The following CHP1 variants were observed in gnomAD, a reference collection of about 807,000 sequenced individuals.
CHP1 encodes the protein calcineurin B homologous protein 1.
In CHP1, 11 loss-of-function variants were observed where a neutral mutation model predicts 27.4. That is an observed-to-expected ratio of 0.40 (90% CI 0.25 to 0.67). The LOEUF (loss-of-function observed/expected upper bound fraction) is 0.67. Ranked by LOEUF, CHP1 falls within the 30% of genes least tolerant of loss-of-function variation. The pLI, the probability that CHP1 is intolerant of heterozygous loss-of-function variation, is 0.38. For synonymous variants in CHP1, 89 were observed against 87.4 expected (o/e 1.02, Z -0.10); for missense variants, 169 against 251.3 (o/e 0.67, Z 2.22).
At chr15:41,275,866 C>T (rs2047517100) in intron 5 of CHP1, among the ~76,000 whole-genome samples, 2 of 152,076 alleles carry the variant, frequency 1.3e-5, no homozygotes, top group South Asian at 4.2e-4. Context: ...CAGGTATGCA[C>T]CACCACGCCC....
At position 41,243,724 on chromosome 15, in the gene CHP1, A is replaced by T; in HGVS notation, c.125A>T (p.Glu42Val). Reference protein sequence around the residue: ...YSRFTSLDKGENGTLSREDFQ... With the variant: ...YSRFTSLDKGVNGTLSREDFQ... ...CGGTTCACCAGCCTGGACAAAGGAG[A>T]GAATGGGACTCTCAGGTAGGCAGTG... The change falls in exon 2 of 7, where the codon GAG becomes GTG. Residue 42 changes from glutamate (E) to valine (V), a missense_variant. By Grantham distance (121) the Glu-to-Val change is moderately radical (BLOSUM62 -2). Transcript: ENST00000334660. 1 of 1,613,970 alleles carries T rather than the reference A, an allele frequency of 6.2e-7. No homozygotes were observed.
intron 4 of CHP1, among the ~76,000 whole-genome samples, chr15:41,267,269 T>C (rs2047466227): frequency 1.3e-5 from 2 of 151,928 alleles, no homozygotes; most frequent in African/African-American, 4.8e-5. Flanking sequence ...TGGATGGTGG[T>C]GATGCTTGCA....
intron 4 of CHP1, among the ~76,000 whole-genome samples, chr15:41,267,361 C>T (rs1398481010): frequency 6.6e-6 from 1 of 150,812 alleles, no homozygotes; most frequent in Non-Finnish European, 1.5e-5. Context: ...TATTTTACCA[C>T]AATAAAAAAA....
chr15:41,261,502 A>T (rs1168345618), intron 3 of CHP1, among the ~76,000 whole-genome samples: 2 of 152,050 alleles, frequency 1.3e-5, no homozygotes, highest in Admixed American at 6.6e-5. Flanking sequence ...TAGAACTCGG[A>T]TCAGTATTTT....
intron 5 of CHP1, among the ~76,000 whole-genome samples, chr15:41,277,091 T>A (rs1390435482): frequency 6.6e-6 from 1 of 152,236 alleles, no homozygotes; most frequent in African/African-American, 2.4e-5. Context: ...GATGAGAAGA[T>A]AAAGGTTTCA....
intron 3 of CHP1, among the ~76,000 whole-genome samples, chr15:41,257,282 A>G (rs2047405369): frequency 6.6e-6 from 1 of 152,176 alleles, no homozygotes; most frequent in Non-Finnish European, 1.5e-5. Context: ...TTTACAAAAA[A>G]GTTGCAAAAG....
intron 1 of CHP1, among the ~76,000 whole-genome samples, chr15:41,240,988 G>T (rs1211805134): frequency 1.3e-5 from 2 of 151,832 alleles, no homozygotes; most frequent in Non-Finnish European, 2.9e-5. Context: ...AAGTAGCTGG[G>T]ACTAGAGGCA....
intron 1 of CHP1, among the ~76,000 whole-genome samples, chr15:41,235,517 C>A (rs1229483301): frequency 6.6e-6 from 1 of 151,826 alleles, no homozygotes; most frequent in Non-Finnish European, 1.5e-5. Context: ...CAGACCCTGT[C>A]TCAAAAAAAA....
At chr15:41,239,315 A>C (rs1001734665) in intron 1 of CHP1, among the ~76,000 whole-genome samples, 1 of 124,878 alleles carries the variant, frequency 8.0e-6, no homozygotes, top group African/African-American at 3.7e-5. Flanking sequence ...TCGTCCTGGA[A>C]GATAGTTTTT....
intron 4 of CHP1, chr15:41,264,093 T>C: frequency 2.6e-6 from 2 of 778,678 alleles, no homozygotes; most frequent in Non-Finnish European, 3.8e-6. Flanking sequence ...TGTTTTATCC[T>C]AAAGTATTAT....
At position 41,280,536 on chromosome 15, in the gene CHP1, A is replaced by G. The variant is rs1595485022; in HGVS notation, c.*1147A>G. ...TTTTTTTTTTTTTTTTTTTTTTGAG[A>G]CAGAGTCTTGCTCTGTCACCCAGGC... is the stretch of plus-strand genomic sequence containing the variant. On this transcript the variant is annotated 3_prime_UTR_variant, in exon 7 of 7. Coordinates refer to ENST00000334660, the MANE Select transcript of CHP1 (RefSeq NM_007236.5). The G allele has an allele frequency of 1.0e-5, 1 of 99,854 alleles. No individual in the cohort carries two copies. Among genetic ancestry groups the G allele is most frequent in the Non-Finnish European group, 1.9e-5 (1 of 51,638 alleles). 6.2% of individuals were successfully genotyped at this position (99,854 alleles called of 1,614,324 possible).
At chr15:41,261,020 C>T (rs1331900705) in intron 3 of CHP1, among the ~76,000 whole-genome samples, 1 of 150,258 alleles carries the variant, frequency 6.7e-6, no homozygotes, top group Non-Finnish European at 1.5e-5. Context: ...AAATAACTGG[C>T]AGTATAAGCG....
intron 1 of CHP1, among the ~76,000 whole-genome samples, chr15:41,236,370 T>C (rs1263370312): frequency 6.6e-6 from 1 of 152,154 alleles, no homozygotes; most frequent in Non-Finnish European, 1.5e-5. Flanking sequence ...CAAGCAATCC[T>C]CCCAGCTCAG....
chr15:41,274,411 TC>T (rs1456708819), intron 5 of CHP1, among the ~76,000 whole-genome samples: 1 of 152,146 alleles, frequency 6.6e-6, no homozygotes, highest in Non-Finnish European at 1.5e-5. Context: ...TATTAACAGA[TC>T]GGATGAGATA....
intron 5 of CHP1, among the ~76,000 whole-genome samples, chr15:41,277,672 C>T (rs1567013149): frequency 6.6e-6 from 1 of 152,098 alleles, no homozygotes; most frequent in African/African-American, 2.4e-5. Flanking sequence ...CCTGTAATCC[C>T]AGCTACTCGG....
intron 5 of CHP1, among the ~76,000 whole-genome samples, chr15:41,274,236 G>A (rs2047507476): frequency 1.3e-5 from 2 of 152,090 alleles, no homozygotes; most frequent in South Asian, 4.1e-4. Context: ...TGGGATTACA[G>A]GCATGAGCCA....
intron 4 of CHP1, chr15:41,264,233 A>C (rs1241168798): frequency 7.8e-7 from 1 of 1,284,360 alleles, no homozygotes; most frequent in South Asian, 1.2e-5. Flanking sequence ...CCAAGCATGG[A>C]ATGTAAGTCC....
chr15:41,239,938 G>C (rs148486558), intron 1 of CHP1, among the ~76,000 whole-genome samples: 1 of 151,514 alleles, frequency 6.6e-6, no homozygotes, highest in Non-Finnish European at 1.5e-5. Flanking sequence ...CACCACGCCC[G>C]TCTAATTTTT....
At chr15:41,243,786 C>G (rs752434810) in intron 2 of CHP1, 47 bp downstream of exon 2, 2 of 1,538,162 alleles carry the variant, frequency 1.3e-6, no homozygotes, top group Non-Finnish European at 1.8e-6. Context: ...CAGAAACCCT[C>G]TGGCAGTGTC....
Sources: allele counts gnomAD v4.1 joint callset (sites outside exome capture counted in the v4.1 genomes callset), GRCh38; gene constraint gnomAD v4.1.1; transcripts MANE v1.5; gene names NCBI Gene and HGNC (gene_info 2026-07-23, HGNC 2026-07-21).